HIPK2: variants seen among roughly 807,000 people sequenced by gnomAD.
HIPK2 encodes homeodomain-interacting protein kinase 2.
HIPK2 carries 27 observed loss-of-function variants against 113.7 expected under a neutral mutation model. The ratio of observed to expected loss-of-function variants is 0.24; its 90% CI spans 0.17 to 0.33. HIPK2 has a LOEUF of 0.33. Ranked by LOEUF, HIPK2 falls within the 10% of genes least tolerant of loss-of-function variation. HIPK2 has a pLI of 1.00. For synonymous variants in HIPK2, 631 were observed against 642.2 expected (o/e 0.98, Z 0.26); for missense variants, 1,257 against 1,588.0 (o/e 0.79, Z 3.54).
chr7:139,745,716 C>G (rs916360687), intron 1 of HIPK2, among the ~76,000 whole-genome samples: 2 of 152,196 alleles, frequency 1.3e-5, no homozygotes, highest in East Asian at 1.9e-4. Context: ...TCCACACCCC[C>G]CTCACCCCCC....
chr7:139,750,591 G>C (rs12703536), intron 1 of HIPK2, among the ~76,000 whole-genome samples: 1 of 152,206 alleles, frequency 6.6e-6, no homozygotes, highest in Non-Finnish European at 1.5e-5. Context: ...TCTTTGTGTT[G>C]CATCAAACCA....
At position 139,574,388 on chromosome 7, in the gene HIPK2, T is replaced by G. The variant is rs76061805; in HGVS notation, c.3126+740A>C. The stretch of plus-strand genomic sequence containing the variant: ...AAGACCCTGTCTTAAAAAAAAAAAG[T>G]TGGCTCTCAGAAGCGTTGCTGTTTG... On this transcript the variant is annotated intron_variant, in intron 14 of 14. Transcript: ENST00000406875. Among the ~76,000 whole-genome samples, 57 of 151,512 alleles carry G rather than the reference T, an allele frequency of 3.8e-4. No homozygotes were observed. In the East Asian group the frequency reaches 0.01, roughly 27 times the overall value.
At chr7:139,715,593 T>A (rs994633085) in intron 2 of HIPK2, among the ~76,000 whole-genome samples, 6 of 152,156 alleles carry the variant, frequency 3.9e-5, no homozygotes, top group Non-Finnish European at 8.8e-5. Context: ...CCCACTAGTG[T>A]GACTGCGGAC....
intron 2 of HIPK2, among the ~76,000 whole-genome samples, chr7:139,690,783 G>C (rs1794383241): frequency 6.6e-6 from 1 of 152,208 alleles, no homozygotes; most frequent in Admixed American, 6.5e-5. Context: ...CTTCAGCCAT[G>C]AGTGGGGGCA....
rs189526381 is a variant in HIPK2 at position 139,679,027 on chromosome 7, G to T, written c.1103+36905C>A. Among the ~76,000 whole-genome samples, 503 of 152,306 alleles carry T rather than the reference G, an allele frequency of 3.3e-3. 4 individuals carry two copies. The highest frequency in any genetic ancestry group is 0.011 in the African/African-American group (472 of 41,558). On this transcript the variant is annotated intron_variant, in intron 2 of 14. Coordinates refer to ENST00000406875, the MANE Select transcript of HIPK2 (RefSeq NM_022740.5). ...CATTGATTTTGTATCCTGAGACTTT[G>T]CTGAAGTTGCTTATCAGCTTAAGGA...
chr7:139,724,117 A>G (rs1402125708), intron 1 of HIPK2, among the ~76,000 whole-genome samples: 1 of 152,150 alleles, frequency 6.6e-6, no homozygotes, highest in Non-Finnish European at 1.5e-5. Context: ...ACAAAATTAT[A>G]GAATATGTCA....
intron 13 of HIPK2, among the ~76,000 whole-genome samples, chr7:139,580,022 G>T (rs1798618298): frequency 6.6e-6 from 1 of 152,190 alleles, no homozygotes; most frequent in South Asian, 2.1e-4. Flanking sequence ...AAACCTGAGG[G>T]ATGGAGGGAT....
intron 2 of HIPK2, among the ~76,000 whole-genome samples, chr7:139,673,449 C>T (rs1802377048): frequency 6.6e-6 from 1 of 152,272 alleles, no homozygotes; most frequent in Admixed American, 6.5e-5. Flanking sequence ...CCAAATTCCC[C>T]CAACCTCCTC....
In HIPK2 at chr7:139,561,940, A is replaced by G. The variant is rs1435707981; in HGVS notation, c.*10987T>C. 1 of 152,242 alleles carries G rather than the reference A, an allele frequency of 6.6e-6. No individual in the cohort carries two copies. The highest frequency in any genetic ancestry group is 1.5e-5 in the Non-Finnish European group (1 of 68,040). 9.4% of individuals were successfully genotyped at this position (152,242 alleles called of 1,614,324 possible). A position where few individuals can be genotyped will look rare whatever the true frequency, so the allele number is the denominator to read the frequency against. On this transcript the variant is annotated 3_prime_UTR_variant, in exon 15 of 15. Transcript: ENST00000406875. The stretch of plus-strand genomic sequence containing the variant: ...TAATTTAGAAGCACACGACGTCATG[A>G]TGAAAAACACAAGCATTTTAGTAGC...
chr7:139,637,075 C>T (rs549166030), intron 2 of HIPK2, among the ~76,000 whole-genome samples: 9 of 152,368 alleles, frequency 5.9e-5, no homozygotes, highest in Non-Finnish European at 1.0e-4. Flanking sequence ...CATCTATCCA[C>T]TAACATGGCC....
chr7:139,583,820 G>C lies in HIPK2; in HGVS notation c.2962C>G (p.Pro988Ala). 6.2e-7 allele frequency: 1 copy of C among 1,610,184 alleles called. No individual in the cohort carries two copies. Among genetic ancestry groups the C allele is most frequent in the Non-Finnish European group, 8.5e-7 (1 of 1,178,198 alleles). Residue 988 changes from proline to alanine, a missense_variant, in exon 13 of 15, where the codon CCA becomes GCA. Transcript: ENST00000406875. ...CCCTGTCCTGGCCCCAAATTACCTG[G>C]CACCAGGCTATCACACTCCACCAAT... Reference protein sequence around the residue: ...EVLVECDSLVPVNTSHHSSSY... With the variant: ...EVLVECDSLVAVNTSHHSSSY...
chr7:139,694,263 C>T (rs1038973901), intron 2 of HIPK2, among the ~76,000 whole-genome samples: 5 of 152,192 alleles, frequency 3.3e-5, no homozygotes, highest in African/African-American at 1.2e-4. Flanking sequence ...CCATGCTCCA[C>T]TCTGCCAGAG....
intron 1 of HIPK2, among the ~76,000 whole-genome samples, chr7:139,756,496 C>CTCACTGCA (rs1327222681): frequency 1.3e-5 from 2 of 152,218 alleles, no homozygotes; most frequent in Non-Finnish European, 2.9e-5. Flanking sequence ...GCAATCTTGG[C>CTCACTGCA]TCACTGCAAC....
chr7:139,607,837 A>C (rs1258130925), intron 9 of HIPK2, among the ~76,000 whole-genome samples: 2 of 152,132 alleles, frequency 1.3e-5, no homozygotes, highest in African/African-American at 2.4e-5. Flanking sequence ...CCATAATAGG[A>C]AGTCAATGGA....
chr7:139,741,877 A>T (rs1796106514), intron 1 of HIPK2, among the ~76,000 whole-genome samples: 1 of 152,364 alleles, frequency 6.6e-6, no homozygotes, highest in African/African-American at 2.4e-5. Flanking sequence ...GAGAAAACAA[A>T]GATAAGAACG....
rs541691748 is a variant in HIPK2, at chr7:139,605,847, CAGAA to C, written c.2113-1628_2113-1625del. On this transcript the variant is annotated intron_variant, in intron 9 of 14. Coordinates refer to ENST00000406875, the MANE Select transcript of HIPK2 (RefSeq NM_022740.5). ...TTGTATTTCAGGTTTACTTAACTCA[CAGAA>C]AGCGGAAACATAATTTAATTGATTA... 4.6e-5 allele frequency among the ~76,000 whole-genome samples: 7 copies of C among 152,320 alleles called. No homozygotes were observed. The South Asian group carries it at 1.4e-3, about 32-fold the overall frequency.
intron 2 of HIPK2, among the ~76,000 whole-genome samples, chr7:139,661,557 C>T (rs1453772025): frequency 6.6e-6 from 1 of 152,156 alleles, no homozygotes; most frequent in Non-Finnish European, 1.5e-5. Flanking sequence ...TATAACAGCC[C>T]ACCCACAATA....
intron 2 of HIPK2, among the ~76,000 whole-genome samples, chr7:139,700,311 G>T (rs931125777): frequency 2.0e-5 from 3 of 152,152 alleles, no homozygotes; most frequent in African/African-American, 7.2e-5. Flanking sequence ...CTGTACCGTT[G>T]TAGTGGTCAC....
intron 2 of HIPK2, among the ~76,000 whole-genome samples, chr7:139,635,311 A>G (rs1217615264): frequency 6.6e-6 from 1 of 152,212 alleles, no homozygotes; most frequent in East Asian, 1.9e-4. Context: ...GTCTGGCCCC[A>G]GGGGACTTCT....
Sources: gnomAD v4.1 joint callset for allele counts (sites outside exome capture counted in the v4.1 genomes callset) on GRCh38, gnomAD v4.1.1 for gene constraint, MANE v1.5 for transcripts, NCBI Gene and HGNC (gene_info 2026-07-23, HGNC 2026-07-21) for gene names.